The following COL4A4 variants were observed in gnomAD, a reference collection of about 807,000 sequenced individuals.
COL4A4 encodes the protein collagen type IV alpha 4 chain.
Under a neutral mutation model 192.9 loss-of-function variants are expected in COL4A4, and 105 were observed. The ratio of observed to expected loss-of-function variants is 0.54; its 90% CI spans 0.46 to 0.64. COL4A4 has a LOEUF of 0.64. Among genes scored for constraint, COL4A4 ranks in the 30% least tolerant of loss-of-function variants. The probability of loss-of-function intolerance (pLI) is 0.00; values close to 1 mark genes in which losing one functional copy is unlikely to be tolerated. For missense variants in COL4A4, 1,967 were observed against 2,169.3 expected (o/e 0.91, Z 1.85); for synonymous variants, 762 against 769.9 (o/e 0.99, Z 0.17).
chr2:227,054,621 C>T lies in COL4A4; in HGVS notation c.2833G>A (p.Gly945Arg), dbSNP rs1303057809. 1.2e-6 allele frequency: 2 copies of T among 1,614,082 alleles called. No individual in the cohort carries two copies. Among genetic ancestry groups the T allele is most frequent in the Non-Finnish European group, 1.7e-6 (2 of 1,180,036 alleles). Residue 945 changes from glycine to arginine, a missense_variant, in exon 31 of 48, where the codon GGA (glycine) becomes AGA (arginine). By Grantham distance (125) the Gly-to-Arg change is moderately radical. Coordinates refer to ENST00000396625, the MANE Select transcript of COL4A4 (RefSeq NM_000092.5). Reference protein sequence around the residue: ...PGEKGMSGLPGDRGLRGAKGA... With the variant: ...PGEKGMSGLPRDRGLRGAKGA... Reference sequence around the variant, plus strand: ...TTGGCCCCTCTCAGTCCCCGGTCTCCAGGAAGGCCAGACATGCCCTTCTCT... The same window carrying T: ...TTGGCCCCTCTCAGTCCCCGGTCTCTAGGAAGGCCAGACATGCCCTTCTCT...
intron 37 of COL4A4, among the ~76,000 whole-genome samples, chr2:227,041,907 A>AAAGAAAGG: frequency 6.6e-6 from 1 of 151,164 alleles, no homozygotes; most frequent in Non-Finnish European, 1.5e-5. Flanking sequence ...AGAAAGAAAG[A>AAAGAAAGG]AAGAAAGAAA....
chr2:227,094,476 A>G (rs1001587368), intron 19 of COL4A4, among the ~76,000 whole-genome samples, 187 bp from the exon 20 acceptor site: 5 of 152,224 alleles, frequency 3.3e-5, no homozygotes, highest in African/African-American at 1.2e-4. Flanking sequence ...GATCTCACTT[A>G]TATGTGGAAT....
At position 227,120,831 on chromosome 2, in the gene COL4A4, T is replaced by C. The variant is rs1576659651; in HGVS notation, c.327+183A>G. 7 of 671,048 alleles carry C rather than the reference T, an allele frequency of 1.0e-5. No homozygotes were observed. In the East Asian group the frequency reaches 1.7e-4, roughly 16 times the overall value. 41.6% of individuals were successfully genotyped at this position (671,048 alleles called of 1,614,324 possible). A position where few individuals can be genotyped will look rare whatever the true frequency, so the allele number is the denominator to read the frequency against. On this transcript the variant is annotated intron_variant, in intron 5 of 47. Coordinates refer to ENST00000396625, the MANE Select transcript of COL4A4 (RefSeq NM_000092.5). Reference sequence around the variant, plus strand: ...GTATGTGCCTGTAATCCCAGCTACTTGGGAGGCTGAGGTGGGAGGCTCGCT... The same window carrying C: ...GTATGTGCCTGTAATCCCAGCTACTCGGGAGGCTGAGGTGGGAGGCTCGCT...
At chr2:227,145,921 A>T (rs1472619812) in intron 2 of COL4A4, among the ~76,000 whole-genome samples, 1 of 152,252 alleles carries the variant, frequency 6.6e-6, no homozygotes, top group Non-Finnish European at 1.5e-5. Flanking sequence ...AAAAATATAA[A>T]GGAGGTGTTA....
chr2:227,131,140 CT>C lies in COL4A4; in HGVS notation c.192+9020del, dbSNP rs111295986. Among the ~76,000 whole-genome samples, 571 of 144,220 alleles carry C rather than the reference CT, an allele frequency of 4.0e-3. 5 individuals carry two copies. Among genetic ancestry groups the C allele is most frequent in the African/African-American group, 7.9e-3 (306 of 38,706 alleles). 94.6% of individuals were successfully genotyped at this position (144,220 alleles called of 152,430 possible). On this transcript the variant is annotated intron_variant, in intron 4 of 47. Coordinates refer to ENST00000396625, the MANE Select transcript of COL4A4 (RefSeq NM_000092.5). ...CTTATTATGCAGGAAAATCTGTCTG[CT>C]TTTTTTTTTTTTTCTTTCTTTCTTT... is the stretch of plus-strand genomic sequence containing the variant.
chr2:226,983,207 A>G, the COL4A4 span, among the ~76,000 whole-genome samples: 19 of 152,258 alleles, frequency 1.2e-4, no homozygotes, highest in East Asian at 2.7e-3. Context: ...TGGGTCCCCC[A>G]ACAGACATTG....
At chr2:226,997,294 C>G in the COL4A4 span, 1 of 152,200 alleles carries the variant, frequency 6.6e-6, no homozygotes, top group Non-Finnish European at 1.5e-5. Context: ...TGCTCTCTCC[C>G]AAATTCTGTA....
Position 227,101,876 on chromosome 2 carries a change from GA to G in COL4A4, c.963del (p.Pro322GlnfsTer3). 6.3e-7 allele frequency: 1 copy of G among 1,593,170 alleles called. No homozygotes were observed. The highest frequency in any genetic ancestry group is 8.6e-7 in the Non-Finnish European group (1 of 1,165,828). On this transcript the variant is annotated frameshift_variant, in exon 16 of 48. Coordinates refer to ENST00000396625, the MANE Select transcript of COL4A4 (RefSeq NM_000092.5). LOFTEE classifies it high-confidence loss of function. ...GDPGSYGSPG[F>X]PGLKGELGLV... ...TGAGGTACATTTACCTTTAATCCTGGAAAACCTGGAGATCCATAGGAACCAG... is the reference window on the plus strand; with the variant it reads ...TGAGGTACATTTACCTTTAATCCTGGAAACCTGGAGATCCATAGGAACCAG...
chr2:227,078,739 T>C (rs2059167824), intron 24 of COL4A4, among the ~76,000 whole-genome samples: 1 of 152,226 alleles, frequency 6.6e-6, no homozygotes, highest in African/African-American at 2.4e-5. Flanking sequence ...TACATTCTTA[T>C]GTATTCTCTT....
At chr2:227,110,845 G>A (rs1003705841) in intron 9 of COL4A4, among the ~76,000 whole-genome samples, 20 of 151,446 alleles carry the variant, frequency 1.3e-4, no homozygotes, top group African/African-American at 4.8e-4. Flanking sequence ...ACCACGCCTG[G>A]CTAATTTCGT....
chr2:227,162,469 C>T (rs569418637), intron 1 of COL4A4, among the ~76,000 whole-genome samples: 1 of 152,306 alleles, frequency 6.6e-6, no homozygotes, highest in African/African-American at 2.4e-5. Context: ...ACTGTCACCT[C>T]ATCAACAGAA....
intron 44 of COL4A4, among the ~76,000 whole-genome samples, chr2:227,013,710 C>T (rs1489143216): frequency 6.6e-6 from 1 of 152,166 alleles, no homozygotes; most frequent in Non-Finnish European, 1.5e-5. Flanking sequence ...GTTGTGGCGG[C>T]CCGAGCAGAC....
chr2:227,119,913 T>G lies in COL4A4; in HGVS notation c.354A>C (p.Pro118=), dbSNP rs1432438341. 6.3e-7 allele frequency: 1 copy of G among 1,586,466 alleles called. No individual in the cohort carries two copies. The highest frequency in any genetic ancestry group is 8.6e-7 in the Non-Finnish European group (1 of 1,165,252). The change falls in exon 6 of 48, where the codon CCA becomes CCC. Residue 118 remains proline, a synonymous_variant. Coordinates refer to ENST00000396625, the MANE Select transcript of COL4A4 (RefSeq NM_000092.5). ...TACTTACAGGTATGCCATCTAAACC[T>G]GGAAATCCAGGAACACCAGTTGGAC... is the stretch of plus-strand genomic sequence containing the variant. ...DKGPTGVPGF[P]GLDGIPGHPG...
the COL4A4 span, among the ~76,000 whole-genome samples, chr2:226,983,533 T>G: frequency 6.6e-6 from 1 of 152,200 alleles, no homozygotes; most frequent in Non-Finnish European, 1.5e-5. Context: ...CAGGGTGACC[T>G]AAACTTGACC....
At chr2:227,013,365 C>T (rs1290315799) in intron 44 of COL4A4, among the ~76,000 whole-genome samples, 1 of 152,100 alleles carries the variant, frequency 6.6e-6, no homozygotes, top group South Asian at 2.1e-4. Context: ...AAGTCCTAGT[C>T]CCCGTATCTC....
intron 10 of COL4A4, 156 bp downstream of exon 10, chr2:227,109,068 A>T (rs2061023805): frequency 1.1e-6 from 1 of 894,634 alleles, no homozygotes; most frequent in Admixed American, 1.7e-5. Flanking sequence ...GTGCTTCAAG[A>T]TGGAGTCCCA....
At chr2:227,070,484 G>A (rs1185158789) in intron 25 of COL4A4, among the ~76,000 whole-genome samples, 1 of 151,794 alleles carries the variant, frequency 6.6e-6, no homozygotes, top group East Asian at 1.9e-4. Flanking sequence ...GTCCAACAAT[G>A]ATAGACTGGA....
chr2:226,989,584 T>G, the COL4A4 span, among the ~76,000 whole-genome samples: 2 of 152,220 alleles, frequency 1.3e-5, no homozygotes, highest in African/African-American at 4.8e-5. Flanking sequence ...CCCACAAATA[T>G]TCTTTGTCTC....
intron 33 of COL4A4, 126 bp downstream of exon 33, chr2:227,050,851 A>G (rs1973944950): frequency 8.9e-7 from 1 of 1,123,038 alleles, no homozygotes; most frequent in African/African-American, 1.5e-5. Flanking sequence ...CTTGAGCTAC[A>G]CCTTACATTC....
Sources: allele counts gnomAD v4.1 joint callset (sites outside exome capture counted in the v4.1 genomes callset), GRCh38; gene constraint gnomAD v4.1.1; transcripts MANE v1.5; gene names NCBI Gene and HGNC (gene_info 2026-07-23, HGNC 2026-07-21).